CFAP97: variants seen among roughly 807,000 people sequenced by gnomAD.
CFAP97 encodes the protein cilia- and flagella-associated protein 97.
In CFAP97, 36 loss-of-function variants were observed where a neutral mutation model predicts 43.1. The observed-to-expected ratio is 0.84, with a 90% CI of 0.64 to 1.10. CFAP97 has a LOEUF of 1.10. Among genes scored for constraint, CFAP97 ranks in the 50% least tolerant of loss-of-function variants. The pLI is 0.00. For synonymous variants in CFAP97, 228 were observed against 225.7 expected (o/e 1.01, Z -0.09); for missense variants, 657 against 620.3 (o/e 1.06, Z -0.63).
intron 2 of CFAP97, among the ~76,000 whole-genome samples, chr4:185,187,084 C>T (rs2111377361): frequency 6.6e-6 from 1 of 152,214 alleles, no homozygotes; most frequent in South Asian, 2.1e-4. Context: ...AAAATTGTTA[C>T]CCCAGATGGC....
At chr4:185,183,207 AT>A (rs1463718217) in intron 2 of CFAP97, among the ~76,000 whole-genome samples, 1 of 152,100 alleles carries the variant, frequency 6.6e-6, no homozygotes, top group Non-Finnish European at 1.5e-5. Context: ...AACTTGCAAA[AT>A]TTTTTACTTA....
chr4:185,207,776 G>A (rs1481946765), upstream of CFAP97: 2 of 152,086 alleles, frequency 1.3e-5, no homozygotes, highest in Non-Finnish European at 2.9e-5. Flanking sequence ...GGAGATAATG[G>A]TATCCATCGG....
At chr4:185,166,333 A>G (rs1735071669) in intron 3 of CFAP97, among the ~76,000 whole-genome samples, 1 of 152,178 alleles carries the variant, frequency 6.6e-6, no homozygotes, top group Admixed American at 6.5e-5. Flanking sequence ...TCCTGGGGCC[A>G]CATCTCCAGT....
intron 2 of CFAP97, among the ~76,000 whole-genome samples, chr4:185,183,839 T>C (rs1318640865): frequency 3.9e-5 from 6 of 152,320 alleles, no homozygotes; most frequent in Non-Finnish European, 5.9e-5. Flanking sequence ...ATCTCTTCTA[T>C]CAGGGGTTCT....
Position 185,164,070 on chromosome 4 carries a change from G to C in CFAP97, c.1430C>G (p.Ser477Ter). 2 of 1,613,930 alleles carry C rather than the reference G, an allele frequency of 1.2e-6. No homozygotes were observed. The highest frequency in any genetic ancestry group is 1.7e-6 in the Non-Finnish European group (2 of 1,179,868). Residue 477 changes from serine (S) to a stop codon, truncating the protein, a stop_gained, in exon 4 of 5, where the codon TCA becomes TGA. Coordinates refer to ENST00000458385, the MANE Select transcript of CFAP97 (RefSeq NM_020827.3). LOFTEE classifies it high-confidence loss of function. ...GCCAAGAGTGGATCTGGCCCGTCTT[G>C]ACAATGGTGATGAGTTGAGATAGCC... ...NMGYLNSSPL[S>*]RRARSTLGQY... is the part of the protein sequence containing the mutation.
intron 1 of CFAP97, among the ~76,000 whole-genome samples, chr4:185,200,468 C>T (rs924788961): frequency 2.6e-5 from 4 of 152,234 alleles, no homozygotes; most frequent in East Asian, 1.9e-4. Context: ...GGTGAATCTC[C>T]GTCTCTACTA....
At chr4:185,199,339 A>C (rs1011984895) in intron 1 of CFAP97, among the ~76,000 whole-genome samples, 2 of 151,452 alleles carry the variant, frequency 1.3e-5, no homozygotes, top group African/African-American at 4.8e-5. Context: ...CCACTGCACT[A>C]CAGCCTGGGT....
intron 4 of CFAP97, 59 bp from the exon 5 acceptor site, chr4:185,162,984 AG>A (rs1190783681): frequency 6.9e-7 from 1 of 1,442,592 alleles, no homozygotes; most frequent in Non-Finnish European, 9.2e-7. Flanking sequence ...AGTCCAGACT[AG>A]TTTTTCTTCC....
chr4:185,176,065 CAAAAAA>C lies in CFAP97; in HGVS notation c.1055-20_1055-15del. Reference sequence around the variant, plus strand: ...ATTGCAGAAAAGCTACAGAAAAGAACAAAAAAAAAAGAGAAAATGGCCAAAGTAAGT... The same window carrying C: ...ATTGCAGAAAAGCTACAGAAAAGAACAAAAGAGAAAATGGCCAAAGTAAGT... On this transcript the variant is annotated splice_polypyrimidine_tract_variant and intron_variant, in intron 2 of 4. Transcript: ENST00000458385. 1 of 1,329,658 alleles carries C rather than the reference CAAAAAA, an allele frequency of 7.5e-7. No homozygotes were observed. Among genetic ancestry groups the C allele is most frequent in the African/African-American group, 1.6e-5 (1 of 62,714 alleles). 82.4% of individuals were successfully genotyped at this position (1,329,658 alleles called of 1,614,324 possible).
In CFAP97 at chr4:185,209,274, C is replaced by T. The variant is rs1737356219; in HGVS notation, c.-74+51G>A. ...AAATGTTTGCCGGCTGTAAGCAAAG[C>T]GAAGAGGTTACTCGTCAGTGATGAG... is the stretch of plus-strand genomic sequence containing the variant. On this transcript the variant is annotated intron_variant, in intron 1 of 2. Coordinates refer to the CFAP97 transcript ENST00000503223. The surrounding 1 kb of genome is among the most constrained non-coding windows in gnomAD (Gnocchi z 5.2). The T allele has an allele frequency of 6.6e-6, 1 of 152,226 alleles. No homozygotes were observed. 9.4% of individuals were successfully genotyped at this position (152,226 alleles called of 1,614,324 possible). A position where few individuals can be genotyped will look rare whatever the true frequency, so the allele number is the denominator to read the frequency against.
intron 3 of CFAP97, among the ~76,000 whole-genome samples, chr4:185,168,429 A>C (rs760193307): frequency 9.2e-5 from 14 of 151,744 alleles, no homozygotes; most frequent in African/African-American, 1.5e-4. Context: ...CAACATGGTA[A>C]AACTCCATCT....
chr4:185,175,619 G>A (rs774857832), intron 3 of CFAP97, among the ~76,000 whole-genome samples, 167 bp downstream of exon 3: 5 of 152,078 alleles, frequency 3.3e-5, no homozygotes, highest in Non-Finnish European at 7.4e-5. Flanking sequence ...AATACATATC[G>A]TATCCTCCGG....
rs542600963 is a variant in CFAP97 at position 185,162,780 on chromosome 4, T to C, written c.*18A>G. On this transcript the variant is annotated 3_prime_UTR_variant, in exon 5 of 5. Transcript: ENST00000458385. ...TCAAGAAAAGTTGTGTGAACAATGT[T>C]TAAAGTAAAAAAGTGTTTTATAACC... 37 of 1,610,338 alleles carry C rather than the reference T, an allele frequency of 2.3e-5. No individual in the cohort carries two copies. In the South Asian group the frequency reaches 4.1e-4, roughly 18 times the overall value.
chr4:185,201,216 C>T (rs1228104132), intron 1 of CFAP97, among the ~76,000 whole-genome samples: 1 of 150,860 alleles, frequency 6.6e-6, no homozygotes, highest in Non-Finnish European at 1.5e-5. Flanking sequence ...ATCCCAGCTA[C>T]TTGGGAGGCT....
At position 185,190,582 on chromosome 4, in the gene CFAP97, C is replaced by CT. The variant is rs779701568; in HGVS notation, c.614dup (p.Ser206ValfsTer3). 1 of 1,613,532 alleles carries CT rather than the reference C, an allele frequency of 6.2e-7. No homozygotes were observed. Among genetic ancestry groups the CT allele is most frequent in the South Asian group, 1.1e-5 (1 of 90,982 alleles). ...TACCAGATACATGTTTCTTAGATGA[C>CT]TTAGATGACGGAGACGAATCAGATA... On this transcript the variant is annotated frameshift_variant, in exon 2 of 5. Transcript: ENST00000458385. LOFTEE classifies it high-confidence loss of function.
At chr4:185,181,247 G>A (rs184650185) in intron 2 of CFAP97, among the ~76,000 whole-genome samples, 8 of 145,438 alleles carry the variant, frequency 5.5e-5, no homozygotes, top group African/African-American at 1.0e-4. Context: ...GCAACAGAGC[G>A]AGACTCCGTC....
At chr4:185,200,985 T>C (rs1736794964) in intron 1 of CFAP97, among the ~76,000 whole-genome samples, 1 of 152,150 alleles carries the variant, frequency 6.6e-6, no homozygotes, top group African/African-American at 2.4e-5. Flanking sequence ...ACTTAGCTAA[T>C]AAAGCAGCGG....
intron 3 of CFAP97, chr4:185,169,682 C>T (rs1735217198): frequency 1.0e-6 from 1 of 985,290 alleles, no homozygotes; most frequent in South Asian, 4.7e-5. Flanking sequence ...TTAATGATTT[C>T]TGCAGCCGTT....
intron 2 of CFAP97, among the ~76,000 whole-genome samples, chr4:185,180,875 C>G (rs578105433): frequency 6.6e-6 from 1 of 151,974 alleles, no homozygotes; most frequent in Admixed American, 6.5e-5. Context: ...CCCCTTAACA[C>G]CCCCCCTAAA....
Sources: gnomAD v4.1 joint callset for allele counts (sites outside exome capture counted in the v4.1 genomes callset) on GRCh38, gnomAD v4.1.1 for gene constraint, Gnocchi (gnomAD v3.1) non-coding constraint, MANE v1.5 for transcripts, NCBI Gene and HGNC (gene_info 2026-07-23, HGNC 2026-07-21) for gene names.